The following KLHDC10 variants were observed in gnomAD, a reference collection of about 807,000 sequenced individuals.
KLHDC10 encodes the protein kelch domain-containing protein 10.
In KLHDC10, 24 loss-of-function variants were observed where a neutral mutation model predicts 56.1. That is an observed-to-expected ratio of 0.43 (90% CI 0.31 to 0.60). KLHDC10 has a LOEUF of 0.60. Among genes scored for constraint, KLHDC10 ranks in the 20% least tolerant of loss-of-function variants. KLHDC10 has a pLI of 0.11. For synonymous variants in KLHDC10, 188 were observed against 207.1 expected (o/e 0.91, Z 0.79); for missense variants, 349 against 567.0 (o/e 0.62, Z 3.91).
intron 1 of KLHDC10, among the ~76,000 whole-genome samples, chr7:130,089,362 G>A (rs1317215802): frequency 2.0e-5 from 3 of 152,108 alleles, no homozygotes; most frequent in Non-Finnish European, 4.4e-5. Flanking sequence ...GGAGACAGAA[G>A]CAGGAGGATT....
At position 130,075,928 on chromosome 7, in the gene KLHDC10, T is replaced by C. The variant is rs556410490; in HGVS notation, c.166+5119T>C. Among the ~76,000 whole-genome samples the C allele has an allele frequency of 7.9e-5, 12 of 152,316 alleles. No individual in the cohort carries two copies. In the South Asian group the frequency reaches 2.5e-3, roughly 32 times the overall value. ...TTTCCTTTATCTATAGATCTGTTTA[T>C]ATTTTTTGTTCATTTTTCTATTGGG... On this transcript the variant is annotated intron_variant, in intron 1 of 9. Transcript: ENST00000335420.
At position 130,133,139 on chromosome 7, in the gene KLHDC10, C is replaced by T. The variant is rs909506425; in HGVS notation, c.*2393C>T. On this transcript the variant is annotated 3_prime_UTR_variant, in exon 10 of 10. Transcript: ENST00000335420. ...AGTAAAAATGACATGGTATGACCAG[C>T]ACTGAGTGCTATAGAACCACACATG... 1.3e-5 allele frequency: 2 copies of T among 152,236 alleles called. No individual in the cohort carries two copies. The highest frequency in any genetic ancestry group is 4.8e-5 in the African/African-American group (2 of 41,458). 9.4% of individuals were successfully genotyped at this position (152,236 alleles called of 1,614,324 possible). A position where few individuals can be genotyped will look rare whatever the true frequency, so the allele number is the denominator to read the frequency against.
chr7:130,096,933 T>A lies in KLHDC10; in HGVS notation c.179T>A (p.Ile60Lys). ...GRPHLPGKKK[I>K]RWDPVRRRFI... ...ATTGTGGTAACAGGTAAGAAGAAAA[T>A]ACGATGGGACCCAGTTAGGAGGCGC... Residue 60 changes from isoleucine to lysine, a missense_variant, in exon 2 of 10, where the codon ATA (isoleucine) becomes AAA (lysine). Coordinates refer to ENST00000335420, the MANE Select transcript of KLHDC10 (RefSeq NM_014997.4). The A allele has an allele frequency of 2.5e-6, 4 of 1,610,790 alleles. No homozygotes were observed. The highest frequency in any genetic ancestry group is 3.4e-6 in the Non-Finnish European group (4 of 1,177,756).
Position 130,120,196 on chromosome 7 carries a change from G to A in KLHDC10, c.476-553G>A, listed in dbSNP as rs79756261. Among the ~76,000 whole-genome samples the A allele has an allele frequency of 0.019, 2,926 of 152,274 alleles. 44 individuals are homozygous for A. Among genetic ancestry groups the A allele is most frequent in the Non-Finnish European group, 0.029 (1,940 of 68,020 alleles). On this transcript the variant is annotated intron_variant, in intron 3 of 9. Coordinates refer to ENST00000335420, the MANE Select transcript of KLHDC10 (RefSeq NM_014997.4). This position sits in a 1 kb window ranked among gnomAD's most constrained non-coding sequence, Gnocchi z 5.1. ...ATACTTCATTTTTCTCTGCTTTGCT[G>A]CATGCTTGAACTGTCTTCAGCAGCA... is the stretch of plus-strand genomic sequence containing the variant.
At chr7:130,083,370 C>T (rs1292904961) in intron 1 of KLHDC10, among the ~76,000 whole-genome samples, 3 of 152,128 alleles carry the variant, frequency 2.0e-5, no homozygotes, top group African/African-American at 7.2e-5. Context: ...CCCTTTCTAC[C>T]TCTTTACCCT....
chr7:130,091,030 T>G (rs1795765353), intron 1 of KLHDC10, among the ~76,000 whole-genome samples: 1 of 152,096 alleles, frequency 6.6e-6, no homozygotes, highest in South Asian at 2.1e-4. Context: ...TTTTTCCTAT[T>G]GGTTGCATGT....
chr7:130,121,039 T>G (rs1796241164), intron 4 of KLHDC10, 136 bp downstream of exon 4: 1 of 830,428 alleles, frequency 1.2e-6, no homozygotes, highest in Non-Finnish European at 1.9e-6. Flanking sequence ...ATTTTTTAGT[T>G]CTGATATGAA....
chr7:130,132,636 A>C lies in KLHDC10; in HGVS notation c.*1890A>C, dbSNP rs1421911198. On this transcript the variant is annotated 3_prime_UTR_variant, in exon 10 of 10. Transcript: ENST00000335420. Reference sequence around the variant, plus strand: ...CATCCTCCCACATCTTGCCATTACCAGTCTGTGTAGCACTTAACCTCCTGC... The same window carrying C: ...CATCCTCCCACATCTTGCCATTACCCGTCTGTGTAGCACTTAACCTCCTGC... The C allele has an allele frequency of 1.3e-5, 2 of 152,242 alleles. No individual in the cohort carries two copies. Among genetic ancestry groups the C allele is most frequent in the Non-Finnish European group, 2.9e-5 (2 of 68,096 alleles). The allele number at this position is 152,242 out of a possible 1,614,324, so 9.4% of individuals were successfully genotyped here.
At chr7:130,073,686 C>T (rs1177148793) in intron 1 of KLHDC10, among the ~76,000 whole-genome samples, 1 of 152,154 alleles carries the variant, frequency 6.6e-6, no homozygotes, top group Non-Finnish European at 1.5e-5. Flanking sequence ...CTCAACCCTC[C>T]ATCCAGCCCC....
intron 2 of KLHDC10, among the ~76,000 whole-genome samples, chr7:130,098,611 T>C (rs17133163): frequency 0.27 from 40,851 of 152,038 alleles, 6,054 homozygotes; most frequent in African/African-American, 0.35. Context: ...AGAATGCCAA[T>C]TTACCAATTT....
At position 130,133,952 on chromosome 7, in the gene KLHDC10, C is replaced by T. The variant is rs975647599; in HGVS notation, c.*3206C>T. ...TCTCCTTTTTTCAGGGCCATAATGA[C>T]ATGATGTAAAAATTTGCTTTAAACC... is the stretch of plus-strand genomic sequence containing the variant. On this transcript the variant is annotated 3_prime_UTR_variant, in exon 10 of 10. Transcript: ENST00000335420. The T allele has an allele frequency of 2.6e-5, 4 of 152,170 alleles. No homozygotes were observed. Among genetic ancestry groups the T allele is most frequent in the African/African-American group, 9.7e-5 (4 of 41,434 alleles). The allele number at this position is 152,170 out of a possible 1,614,324, so 9.4% of individuals were successfully genotyped here.
intron 2 of KLHDC10, among the ~76,000 whole-genome samples, chr7:130,115,714 CAAA>C (rs11451164): frequency 1.0e-5 from 1 of 100,278 alleles, no homozygotes. Context: ...GACTTGGTCT[CAAA>C]AAAAAAAAAA....
At chr7:130,102,314 TAAC>T (rs1249955662) in intron 2 of KLHDC10, among the ~76,000 whole-genome samples, 3 of 152,180 alleles carry the variant, frequency 2.0e-5, no homozygotes, top group African/African-American at 4.8e-5. Context: ...TTTCTTATAA[TAAC>T]TAACCAATGT....
At chr7:130,081,033 CTG>C (rs998748056) in intron 1 of KLHDC10, among the ~76,000 whole-genome samples, 2 of 139,562 alleles carry the variant, frequency 1.4e-5, no homozygotes, top group African/African-American at 5.5e-5. Flanking sequence ...GAGTCTCGCT[CTG>C]TCACCCAGGC....
rs893997658 is a variant in KLHDC10, at chr7:130,135,167, CAG to C, written c.*4424_*4425del. On this transcript the variant is annotated 3_prime_UTR_variant, in exon 10 of 10. Transcript: ENST00000335420. ...GCTTAGTCAGTGTACAGGGTGGAGT[CAG>C]AGGCAGTTTTCAGAAAAAAACAAAA... is the stretch of plus-strand genomic sequence containing the variant. 3 of 133,194 alleles carry C rather than the reference CAG, an allele frequency of 2.3e-5. No individual in the cohort carries two copies. Among genetic ancestry groups the C allele is most frequent in the African/African-American group, 8.4e-5 (3 of 35,882 alleles). The allele number at this position is 133,194 out of a possible 1,614,324, so 8.3% of individuals were successfully genotyped here.
chr7:130,091,102 T>C (rs1795766404), intron 1 of KLHDC10, among the ~76,000 whole-genome samples: 1 of 152,214 alleles, frequency 6.6e-6, no homozygotes. Flanking sequence ...ACATTGGGAT[T>C]GCTTCCATGT....
At chr7:130,101,969 TA>T (rs10579051) in intron 2 of KLHDC10, among the ~76,000 whole-genome samples, 1,517 of 73,698 alleles carry the variant, frequency 0.021, 8 homozygotes, top group Middle Eastern at 0.068. Context: ...GACTCCCTCT[TA>T]AAAAAAAAAA....
intron 1 of KLHDC10, among the ~76,000 whole-genome samples, chr7:130,093,636 G>A (rs1180828561): frequency 1.3e-5 from 2 of 152,216 alleles, no homozygotes; most frequent in Admixed American, 1.3e-4. Context: ...ATATTTATAT[G>A]AAACTGGAGA....
intron 6 of KLHDC10, among the ~76,000 whole-genome samples, chr7:130,125,142 C>A (rs1190197941): frequency 6.6e-6 from 1 of 152,136 alleles, no homozygotes; most frequent in Non-Finnish European, 1.5e-5. Flanking sequence ...GATACATGCC[C>A]CTTGTAGAAA....
Sources: allele counts gnomAD v4.1 joint callset (sites outside exome capture counted in the v4.1 genomes callset), GRCh38; gene constraint gnomAD v4.1.1; non-coding constraint Gnocchi (gnomAD v3.1); transcripts MANE v1.5; gene names NCBI Gene and HGNC (gene_info 2026-07-23, HGNC 2026-07-21).